The following ERBB4 variants were observed in gnomAD, a reference collection of about 807,000 sequenced individuals.
ERBB4 encodes the protein erb-b2 receptor tyrosine kinase 4, also known as receptor tyrosine-protein kinase erbB-4.
ERBB4 carries 42 observed loss-of-function variants against 158.0 expected under a neutral mutation model. That is an observed-to-expected ratio of 0.27 (90% CI 0.21 to 0.34). The LOEUF (loss-of-function observed/expected upper bound fraction) is 0.34, where lower values mean the gene tolerates loss of function less well. ERBB4 is among the 10% of genes least tolerant of loss of function. The pLI, the probability that ERBB4 is intolerant of heterozygous loss-of-function variation, is 1.00. For synonymous variants in ERBB4, 583 were observed against 558.7 expected, an observed-to-expected ratio of 1.04 and a Z score of -0.61; for missense variants, 1,333 against 1,624.1, an observed-to-expected ratio of 0.82 and a Z score of 3.08.
chr2:211,597,667 C>CTTTTACACATTTA (rs6147152), intron 19 of ERBB4, among the ~76,000 whole-genome samples: 1 of 151,616 alleles, frequency 6.6e-6, no homozygotes, highest in Admixed American at 6.6e-5. Flanking sequence ...ACAAATTCAT[C>CTTTTACACATTTA]TTTTCATTAG....
At chr2:211,651,893 T>C (rs1313119373) in intron 16 of ERBB4, among the ~76,000 whole-genome samples, 1 of 152,186 alleles carries the variant, frequency 6.6e-6, no homozygotes, top group African/African-American at 2.4e-5. Flanking sequence ...GGTGAGAAGA[T>C]AAGGAAAAAA....
intron 1 of ERBB4, among the ~76,000 whole-genome samples, chr2:212,478,982 T>A (rs978676234): frequency 2.0e-5 from 3 of 152,192 alleles, no homozygotes; most frequent in African/African-American, 7.2e-5. Context: ...AGCATTGCTA[T>A]GCTTTTGTTG....
At chr2:211,448,317 C>T (rs988255277) in intron 20 of ERBB4, among the ~76,000 whole-genome samples, 14 of 152,050 alleles carry the variant, frequency 9.2e-5, no homozygotes, top group Admixed American at 4.6e-4. Flanking sequence ...CAAAGGTAGA[C>T]TCTGCTGGAT....
intron 1 of ERBB4, among the ~76,000 whole-genome samples, chr2:212,291,400 A>C (rs1483280468): frequency 6.6e-6 from 1 of 152,108 alleles, no homozygotes; most frequent in Non-Finnish European, 1.5e-5. Flanking sequence ...GTATTTTAAA[A>C]AGTCTTTTTA....
chr2:212,056,474 T>C (rs953722401), intron 2 of ERBB4, among the ~76,000 whole-genome samples: 2 of 152,050 alleles, frequency 1.3e-5, no homozygotes, highest in Non-Finnish European at 2.9e-5. Context: ...GACACATAAT[T>C]GTCAGATTCA....
intron 2 of ERBB4, among the ~76,000 whole-genome samples, chr2:212,111,029 T>G (rs2371443): frequency 1.3e-5 from 2 of 151,792 alleles, no homozygotes; most frequent in East Asian, 1.9e-4. Context: ...ACATTTCCAA[T>G]GAGGGGCTCT....
intron 1 of ERBB4, among the ~76,000 whole-genome samples, chr2:212,532,211 T>G (rs1176595633): frequency 6.6e-6 from 1 of 152,236 alleles, no homozygotes; most frequent in Non-Finnish European, 1.5e-5. Context: ...GCGCTGTCAG[T>G]TTCCTTACCT....
chr2:212,304,900 TTG>T (rs2086753751), intron 1 of ERBB4, among the ~76,000 whole-genome samples: 1 of 151,380 alleles, frequency 6.6e-6, no homozygotes, highest in African/African-American at 2.4e-5. Context: ...AATTTTAGCA[TTG>T]TGTGTATATG....
At chr2:212,374,891 C>A (rs2090269113) in intron 1 of ERBB4, among the ~76,000 whole-genome samples, 1 of 144,112 alleles carries the variant, frequency 6.9e-6, no homozygotes. Flanking sequence ...TTTTATATTA[C>A]TGAGAAGATT....
intron 2 of ERBB4, among the ~76,000 whole-genome samples, chr2:212,077,221 A>C (rs2078302000): frequency 6.6e-6 from 1 of 152,008 alleles, no homozygotes; most frequent in South Asian, 2.1e-4. Context: ...GGGCAAAATT[A>C]TCATTATCTA....
intron 1 of ERBB4, among the ~76,000 whole-genome samples, chr2:212,258,871 A>C (rs2084834778): frequency 6.6e-6 from 1 of 151,998 alleles, no homozygotes; most frequent in South Asian, 2.1e-4. Flanking sequence ...TTATTACACA[A>C]CTTTCCTGTG....
intron 25 of ERBB4, among the ~76,000 whole-genome samples, chr2:211,392,558 C>CA (rs1553519706): frequency 1.1e-3 from 156 of 141,012 alleles, no homozygotes; most frequent in African/African-American, 3.7e-3. Context: ...CTCTCTTACT[C>CA]CACACACACA....
chr2:212,081,656 A>G (rs1259547205), intron 2 of ERBB4, among the ~76,000 whole-genome samples: 1 of 152,152 alleles, frequency 6.6e-6, no homozygotes, highest in Non-Finnish European at 1.5e-5. Context: ...CTTAAGCTTC[A>G]TTCTCCTGTT....
In ERBB4 at chr2:211,463,266, T is replaced by C. The variant is rs188183611; in HGVS notation, c.2488-32166A>G. 2.7e-3 allele frequency among the ~76,000 whole-genome samples: 404 copies of C among 152,300 alleles called. 1 individual carries two copies. Among genetic ancestry groups the C allele is most frequent in the Middle Eastern group, 0.014 (4 of 294 alleles). On this transcript the variant is annotated intron_variant, in intron 20 of 27. Coordinates refer to ENST00000342788, the MANE Select transcript of ERBB4 (RefSeq NM_005235.3). Reference sequence around the variant, plus strand: ...TATAGTTTTTAGTTTCAAGGATTCCTGGCTCAAATTCCAGCAGGGTTTGTT... The same window carrying C: ...TATAGTTTTTAGTTTCAAGGATTCCCGGCTCAAATTCCAGCAGGGTTTGTT...
intron 14 of ERBB4, among the ~76,000 whole-genome samples, chr2:211,666,792 G>A (rs1041072045): frequency 1.3e-5 from 2 of 152,138 alleles, no homozygotes; most frequent in African/African-American, 4.8e-5. Context: ...ATCTGGCTAT[G>A]TCCATAGGGT....
At chr2:211,810,274 C>T (rs1355098258) in intron 3 of ERBB4, among the ~76,000 whole-genome samples, 1 of 152,094 alleles carries the variant, frequency 6.6e-6, no homozygotes, top group African/African-American at 2.4e-5. Flanking sequence ...TGATCTGTCT[C>T]ATATTGACAG....
chr2:212,450,076 T>G (rs2092422933), intron 1 of ERBB4, among the ~76,000 whole-genome samples: 1 of 152,186 alleles, frequency 6.6e-6, no homozygotes, highest in Non-Finnish European at 1.5e-5. Context: ...TCAGAGGTGA[T>G]GTTGACATGC....
At chr2:211,621,312 T>C (rs2069593930) in intron 18 of ERBB4, among the ~76,000 whole-genome samples, 1 of 152,118 alleles carries the variant, frequency 6.6e-6, no homozygotes, top group Non-Finnish European at 1.5e-5. Flanking sequence ...TCTTTATACT[T>C]AAACAGAGAA....
chr2:212,332,922 G>A (rs1215899479), intron 1 of ERBB4, among the ~76,000 whole-genome samples: 2 of 151,988 alleles, frequency 1.3e-5, no homozygotes, highest in African/African-American at 4.8e-5. Flanking sequence ...CCCCTTCTTA[G>A]GAATTCTGCA....
Sources: gnomAD v4.1 joint callset for allele counts (sites outside exome capture counted in the v4.1 genomes callset) on GRCh38, gnomAD v4.1.1 for gene constraint, MANE v1.5 for transcripts, NCBI Gene and HGNC (gene_info 2026-07-23, HGNC 2026-07-21) for gene names.